Variants in SLC4A4 observed in about 807,000 individuals in gnomAD.
SLC4A4 encodes solute carrier family 4 member 4.
Under a neutral mutation model 111.5 loss-of-function variants are expected in SLC4A4, and 27 were observed. That is an observed-to-expected ratio of 0.24 (90% CI 0.18 to 0.33). SLC4A4 has a LOEUF of 0.33. SLC4A4 is among the 10% of genes least tolerant of loss of function. The pLI, the probability that SLC4A4 is intolerant of heterozygous loss-of-function variation, is 1.00. For synonymous variants in SLC4A4, 443 were observed against 463.4 expected, an observed-to-expected ratio of 0.96 and a Z score of 0.57; for missense variants, 909 against 1,315.5, an observed-to-expected ratio of 0.69 and a Z score of 4.78.
intron 7 of SLC4A4, among the ~76,000 whole-genome samples, chr4:71,435,808 A>G (rs181583814): frequency 6.6e-6 from 1 of 152,374 alleles, no homozygotes; most frequent in East Asian, 1.9e-4. Flanking sequence ...CGTGAAAAAA[A>G]GCTCATCATC....
chr4:71,555,114 A>C (rs767922280), intron 20 of SLC4A4, 26 bp from the exon 21 acceptor site: 1 of 1,495,644 alleles, frequency 6.7e-7, no homozygotes, highest in Non-Finnish European at 9.3e-7. Flanking sequence ...ATCATTTTTA[A>C]GTTGTATCCA....
At chr4:71,092,290 T>C (rs1742410630) in intron 1 of SLC4A4, among the ~76,000 whole-genome samples, 1 of 152,250 alleles carries the variant, frequency 6.6e-6, no homozygotes, top group Non-Finnish European at 1.5e-5. Flanking sequence ...ATATGGTTGA[T>C]GGATTTCAAT....
At chr4:71,077,088 A>G (rs1267855279) in intron 1 of SLC4A4, among the ~76,000 whole-genome samples, 1 of 148,496 alleles carries the variant, frequency 6.7e-6, no homozygotes, top group Non-Finnish European at 1.5e-5. Context: ...ATAAATATAT[A>G]TATATAAAAT....
At chr4:71,473,233 C>T (rs767759124) in intron 14 of SLC4A4, 37 of 629,560 alleles carry the variant, frequency 5.9e-5, no homozygotes, top group Non-Finnish European at 9.1e-5. Context: ...GTGGGATTTG[C>T]AAGGAATTCA....
chr4:71,555,724 A>G lies in SLC4A4; in HGVS notation c.2763+516A>G, dbSNP rs189502631. ...ACTTCAGCTATTCATAACTTTGGGA[A>G]AACTGACACACTTTTAATAAAATCA... On this transcript the variant is annotated intron_variant, in intron 21 of 25. Transcript: ENST00000264485. Among the ~76,000 whole-genome samples the G allele has an allele frequency of 4.0e-3, 602 of 152,052 alleles. 2 individuals carry two copies. The highest frequency in any genetic ancestry group is 0.014 in the African/African-American group (576 of 41,544).
chr4:71,456,037 TCAGGATGTTAAGTAGTC>T (rs964609537), intron 12 of SLC4A4, among the ~76,000 whole-genome samples: 1 of 152,206 alleles, frequency 6.6e-6, no homozygotes, highest in African/African-American at 2.4e-5. Context: ...TTTCAGTGCT[TCAGGATGTTAAGTAGTC>T]CACTAAAATA....
At chr4:71,451,444 G>A in intron 11 of SLC4A4, 143 bp downstream of exon 11, 1 of 712,690 alleles carries the variant, frequency 1.4e-6, no homozygotes. Flanking sequence ...CACAGGCACT[G>A]GGAATATAGC....
At chr4:71,121,969 A>G (rs994049068) in intron 2 of SLC4A4, among the ~76,000 whole-genome samples, 28 of 152,086 alleles carry the variant, frequency 1.8e-4, no homozygotes, top group Non-Finnish European at 3.2e-4. Context: ...ACAACTCCAG[A>G]CGCGCTTCCT....
intron 5 of SLC4A4, among the ~76,000 whole-genome samples, chr4:71,355,874 G>T (rs146189501): frequency 6.6e-6 from 1 of 152,250 alleles, no homozygotes; most frequent in African/African-American, 2.4e-5. Flanking sequence ...GTTATTGTTC[G>T]TTTCTTTACA....
At chr4:71,537,302 T>TA (rs1413664092) in intron 18 of SLC4A4, among the ~76,000 whole-genome samples, 1 of 152,096 alleles carries the variant, frequency 6.6e-6, no homozygotes, top group Non-Finnish European at 1.5e-5. Flanking sequence ...CATATATGTA[T>TA]ATGTATACAC....
intron 1 of SLC4A4, among the ~76,000 whole-genome samples, chr4:71,073,152 A>G (rs1234868436): frequency 1.3e-5 from 2 of 152,152 alleles, no homozygotes; most frequent in African/African-American, 4.8e-5. Flanking sequence ...GTAACCAGTC[A>G]CATTGCTGAA....
intron 1 of SLC4A4, among the ~76,000 whole-genome samples, chr4:71,088,998 G>A (rs1429011804): frequency 6.6e-6 from 1 of 152,076 alleles, no homozygotes; most frequent in Non-Finnish European, 1.5e-5. Context: ...CCTGCAGAAT[G>A]TTTTCCAACT....
chr4:71,384,587 G>C (rs991587511), intron 6 of SLC4A4, among the ~76,000 whole-genome samples: 2 of 142,080 alleles, frequency 1.4e-5, no homozygotes, highest in African/African-American at 5.3e-5. Flanking sequence ...AGTGAGGCCA[G>C]ATCACGCCAT....
chr4:71,416,366 T>A (rs929363556), intron 7 of SLC4A4, among the ~76,000 whole-genome samples: 1 of 152,348 alleles, frequency 6.6e-6, no homozygotes, highest in East Asian at 1.9e-4. Flanking sequence ...CAGTAAGAGA[T>A]TGACAACAAT....
At chr4:71,159,107 A>G (rs1191005724) in intron 2 of SLC4A4, among the ~76,000 whole-genome samples, 2 of 152,250 alleles carry the variant, frequency 1.3e-5, no homozygotes, top group African/African-American at 2.4e-5. Flanking sequence ...ATATATGTGT[A>G]TATGTGTATA....
intron 3 of SLC4A4, among the ~76,000 whole-genome samples, chr4:71,304,517 A>G (rs1286429560): frequency 6.6e-6 from 1 of 152,220 alleles, no homozygotes; most frequent in Non-Finnish European, 1.5e-5. Flanking sequence ...TTCTTTACTC[A>G]GTCTACTGAT....
intron 3 of SLC4A4, among the ~76,000 whole-genome samples, chr4:71,286,560 C>G (rs887491522): frequency 2.6e-5 from 4 of 152,298 alleles, no homozygotes; most frequent in African/African-American, 9.6e-5. Context: ...TTTTCTATAA[C>G]TTTGTGCAAA....
intron 16 of SLC4A4, among the ~76,000 whole-genome samples, chr4:71,521,426 G>T (rs1455665363): frequency 6.6e-6 from 1 of 151,966 alleles, no homozygotes; most frequent in African/African-American, 2.4e-5. Context: ...TAGAGATGGG[G>T]TGTTACTGTG....
intron 4 of SLC4A4, among the ~76,000 whole-genome samples, chr4:71,346,708 G>A (rs1729362822): frequency 6.6e-6 from 1 of 151,986 alleles, no homozygotes; most frequent in South Asian, 2.1e-4. Context: ...GATATGCGAG[G>A]AGGCTAGACA....
Sources: allele counts gnomAD v4.1 joint callset (sites outside exome capture counted in the v4.1 genomes callset), GRCh38; gene constraint gnomAD v4.1.1; transcripts MANE v1.5; gene names NCBI Gene and HGNC (gene_info 2026-07-23, HGNC 2026-07-21).